Variants in DLC1 observed in about 807,000 individuals in gnomAD.
DLC1 encodes rho GTPase-activating protein 7.
In DLC1, 54 loss-of-function variants were observed where a neutral mutation model predicts 140.3. That is an observed-to-expected ratio of 0.38 (90% CI 0.31 to 0.48). The LOEUF is 0.48. Ranked by LOEUF, DLC1 falls within the 20% of genes least tolerant of loss-of-function variation. The probability of loss-of-function intolerance (pLI) is 0.96; values close to 1 mark genes in which losing one functional copy is unlikely to be tolerated. For missense variants in DLC1, 2,536 were observed against 1,907.0 expected (o/e 1.33, Z -6.14); for synonymous variants, 986 against 728.1 (o/e 1.35, Z -5.70).
At chr8:13,192,195 C>T (rs1826796531) in intron 5 of DLC1, among the ~76,000 whole-genome samples, 1 of 152,016 alleles carries the variant, frequency 6.6e-6, no homozygotes, top group South Asian at 2.1e-4. Flanking sequence ...AGGTGATCTG[C>T]CGGCCTCGGC....
intron 2 of DLC1, among the ~76,000 whole-genome samples, chr8:13,410,605 A>C (rs1323597321): frequency 1.3e-5 from 2 of 152,162 alleles, no homozygotes; most frequent in African/African-American, 4.8e-5. Flanking sequence ...AAAAAAGACT[A>C]TAAAATACCT....
chr8:13,266,949 C>T (rs1407670763), intron 5 of DLC1, among the ~76,000 whole-genome samples: 1 of 152,150 alleles, frequency 6.6e-6, no homozygotes, highest in East Asian at 1.9e-4. Context: ...ATTTGTCCAG[C>T]CATGAGCTGC....
intron 5 of DLC1, among the ~76,000 whole-genome samples, chr8:13,257,906 A>T (rs1354918279): frequency 6.6e-6 from 1 of 152,228 alleles, no homozygotes. Context: ...AAGCAATGAA[A>T]AAGCTGTTTT....
chr8:13,595,629 A>T (rs1487781827), intron 1 of DLC1, among the ~76,000 whole-genome samples: 4 of 152,002 alleles, frequency 2.6e-5, no homozygotes, highest in Admixed American at 6.6e-5. Context: ...ACTCTTATTG[A>T]GTCTGGGTGA....
intron 1 of DLC1, among the ~76,000 whole-genome samples, chr8:13,570,002 A>G (rs1011451654): frequency 7.2e-5 from 11 of 152,224 alleles, no homozygotes; most frequent in African/African-American, 2.4e-4. Context: ...CTGGGATTGC[A>G]GGCACGAGCC....
intron 1 of DLC1, among the ~76,000 whole-genome samples, chr8:13,576,614 T>G (rs1804846232): frequency 6.6e-6 from 1 of 152,176 alleles, no homozygotes; most frequent in African/African-American, 2.4e-5. Context: ...ACCCAATAAT[T>G]TTCACAAATT....
At chr8:13,245,161 G>T (rs1343867354) in intron 5 of DLC1, among the ~76,000 whole-genome samples, 1 of 152,168 alleles carries the variant, frequency 6.6e-6, no homozygotes, top group Admixed American at 6.5e-5. Flanking sequence ...AGGTCTGACT[G>T]CCCTGAGGTG....
chr8:13,506,766 C>T (rs1444599263), intron 1 of DLC1, among the ~76,000 whole-genome samples: 1 of 151,856 alleles, frequency 6.6e-6, no homozygotes, highest in African/African-American at 2.4e-5. Context: ...GAAATAATCT[C>T]ATGTTAATTA....
chr8:13,248,221 C>T (rs1829845610), intron 5 of DLC1, among the ~76,000 whole-genome samples: 1 of 152,204 alleles, frequency 6.6e-6, no homozygotes, highest in African/African-American at 2.4e-5. Flanking sequence ...GTACCATTGA[C>T]ATCATATTTA....
chr8:13,211,874 T>A (rs1283799169), intron 5 of DLC1, among the ~76,000 whole-genome samples: 1 of 152,152 alleles, frequency 6.6e-6, no homozygotes, highest in African/African-American at 2.4e-5. Context: ...CATGAAATCC[T>A]GGCAGGTAAA....
chr8:13,121,985 G>A (rs1231142892), intron 5 of DLC1, among the ~76,000 whole-genome samples: 1 of 152,128 alleles, frequency 6.6e-6, no homozygotes, highest in Non-Finnish European at 1.5e-5. Flanking sequence ...GGACCACTAA[G>A]CCAGATAACA....
At chr8:13,225,184 T>TA (rs200463169) in intron 5 of DLC1, among the ~76,000 whole-genome samples, 2,807 of 152,322 alleles carry the variant, frequency 0.018, 98 homozygotes, top group African/African-American at 0.063. Flanking sequence ...TGCTGCCTTT[T>TA]AAAAAAATTA....
chr8:13,426,514 T>A (rs1838589034), intron 2 of DLC1, among the ~76,000 whole-genome samples: 1 of 152,208 alleles, frequency 6.6e-6, no homozygotes, highest in African/African-American at 2.4e-5. Flanking sequence ...TAAATTCAAA[T>A]GAACCTCAGT....
At chr8:13,097,273 A>ATTATTTTTT (rs1377225334) in intron 10 of DLC1, among the ~76,000 whole-genome samples, 1 of 150,872 alleles carries the variant, frequency 6.6e-6, no homozygotes, top group African/African-American at 2.4e-5. Context: ...TATTATTATT[A>ATTATTTTTT]TTTTTTGAGA....
intron 7 of DLC1, among the ~76,000 whole-genome samples, 164 bp downstream of exon 7, chr8:13,110,578 T>C (rs2128946640): frequency 6.6e-6 from 1 of 152,324 alleles, no homozygotes; most frequent in Non-Finnish European, 1.5e-5. Context: ...TAAATAACAA[T>C]ATTTTACTTA....
At chr8:13,407,522 G>T (rs1313855649) in intron 2 of DLC1, among the ~76,000 whole-genome samples, 1 of 152,162 alleles carries the variant, frequency 6.6e-6, no homozygotes, top group Admixed American at 6.5e-5. Context: ...GAGAGACACA[G>T]GCTCTGTTTT....
At chr8:13,143,120 G>A (rs12677920) in intron 5 of DLC1, among the ~76,000 whole-genome samples, 52,495 of 151,096 alleles carry the variant, frequency 0.35, 10,266 homozygotes, top group East Asian at 0.54. Context: ...CAATAAAAAC[G>A]TTTTAATGAT....
chr8:13,305,189 AT>A, intron 5 of DLC1, 79 bp downstream of exon 5: 4 of 1,556,704 alleles, frequency 2.6e-6, no homozygotes, highest in Non-Finnish European at 3.5e-6. Flanking sequence ...CATTTTATAT[AT>A]TTAATAAAAT....
chr8:13,433,708 T>C (rs941013091), intron 2 of DLC1, among the ~76,000 whole-genome samples: 3 of 152,220 alleles, frequency 2.0e-5, no homozygotes, highest in Non-Finnish European at 4.4e-5. Context: ...AATTTTGACA[T>C]GCTCTGTTGA....
Sources: gnomAD v4.1 joint callset for allele counts (sites outside exome capture counted in the v4.1 genomes callset) on GRCh38, gnomAD v4.1.1 for gene constraint, MANE v1.5 for transcripts, NCBI Gene and HGNC (gene_info 2026-07-23, HGNC 2026-07-21) for gene names.